Variants in POPDC1 observed in about 807,000 individuals in gnomAD.
POPDC1 encodes the protein popeye domain cAMP effector 1.
the POPDC1 span, among the ~76,000 whole-genome samples, chr6:105,114,886 A>T: frequency 6.6e-6 from 1 of 152,168 alleles, no homozygotes; most frequent in Non-Finnish European, 1.5e-5. Flanking sequence ...TCACTTTTTA[A>T]CTCACGGCAC....
chr6:105,105,239 T>A, the POPDC1 span, among the ~76,000 whole-genome samples: 1 of 152,190 alleles, frequency 6.6e-6, no homozygotes, highest in Non-Finnish European at 1.5e-5. Context: ...TCCACCTTGG[T>A]AGACACACTG....
the POPDC1 span, among the ~76,000 whole-genome samples, chr6:105,114,685 T>A: frequency 6.6e-6 from 1 of 152,276 alleles, no homozygotes; most frequent in African/African-American, 2.4e-5. Context: ...TATTTAATTC[T>A]TAATTTAGTT....
chr6:105,123,851 C>G, the POPDC1 span, among the ~76,000 whole-genome samples: 1 of 152,088 alleles, frequency 6.6e-6, no homozygotes, highest in Non-Finnish European at 1.5e-5. Flanking sequence ...AATAAATTCC[C>G]TAAGGCAAAG....
chr6:105,102,838 A>G, the POPDC1 span, among the ~76,000 whole-genome samples: 1 of 152,252 alleles, frequency 6.6e-6, no homozygotes, highest in African/African-American at 2.4e-5. Context: ...AAAAATATGC[A>G]GGGCTAGACT....
the POPDC1 span, among the ~76,000 whole-genome samples, chr6:105,109,146 C>CA: frequency 6.6e-6 from 1 of 152,006 alleles, no homozygotes; most frequent in Non-Finnish European, 1.5e-5. Context: ...TTTGTAGAGA[C>CA]AGAGTTTTGT....
the POPDC1 span, chr6:105,115,940 AC>A: frequency 5.9e-6 from 6 of 1,013,722 alleles, no homozygotes; most frequent in Non-Finnish European, 8.4e-6. Context: ...AAAAAAGAAT[AC>A]CTGATACATA....
chr6:105,121,318 T>A, the POPDC1 span, among the ~76,000 whole-genome samples: 2 of 150,724 alleles, frequency 1.3e-5, no homozygotes, highest in African/African-American at 4.9e-5. Flanking sequence ...CAGGCTGGAG[T>A]GCAGGGGTGT....
the POPDC1 span, among the ~76,000 whole-genome samples, chr6:105,111,220 T>C: frequency 3.3e-5 from 5 of 152,208 alleles, no homozygotes; most frequent in South Asian, 2.1e-4. Context: ...TTAACCCCAA[T>C]TAACTAAAAT....
the POPDC1 span, among the ~76,000 whole-genome samples, chr6:105,122,828 G>A: frequency 7.2e-5 from 11 of 152,180 alleles, no homozygotes; most frequent in African/African-American, 2.7e-4. Context: ...GTAAAGACAG[G>A]AGCCAGGACA....
the POPDC1 span, among the ~76,000 whole-genome samples, chr6:105,113,151 T>G: frequency 6.6e-6 from 1 of 151,344 alleles, no homozygotes; most frequent in East Asian, 1.9e-4. Context: ...AGGCTGGTCT[T>G]GAACTCCTGG....
the POPDC1 span, among the ~76,000 whole-genome samples, chr6:105,130,179 C>T: frequency 2.6e-5 from 4 of 152,128 alleles, no homozygotes; most frequent in Non-Finnish European, 5.9e-5. Flanking sequence ...TACAGTTTTA[C>T]CTGATGGCAA....
the POPDC1 span, among the ~76,000 whole-genome samples, chr6:105,111,504 CCTT>C: frequency 6.6e-6 from 1 of 152,202 alleles, no homozygotes; most frequent in Non-Finnish European, 1.5e-5. Flanking sequence ...ACATCTTGTC[CCTT>C]CTTCTCTTCC....
At chr6:105,113,708 C>T in the POPDC1 span, among the ~76,000 whole-genome samples, 9 of 152,200 alleles carry the variant, frequency 5.9e-5, no homozygotes, top group East Asian at 1.5e-3. Context: ...ACTATGCAGG[C>T]CAGGTGCAGT....
At chr6:105,135,195 A>G in the POPDC1 span, among the ~76,000 whole-genome samples, 4 of 152,228 alleles carry the variant, frequency 2.6e-5, no homozygotes, top group Admixed American at 6.5e-5. Flanking sequence ...TCCAAGGCCT[A>G]GCCTCTGTAG....
chr6:105,129,639 G>T, the POPDC1 span: 3 of 788,752 alleles, frequency 3.8e-6, no homozygotes, highest in East Asian at 2.7e-5. Flanking sequence ...CCCAGTGAAC[G>T]CCTGAAACCA....
the POPDC1 span, chr6:105,100,949 C>T: frequency 3.1e-6 from 3 of 983,002 alleles, no homozygotes; most frequent in African/African-American, 1.7e-5. Flanking sequence ...CATCCTTGAC[C>T]CTTCCTCACT....
the POPDC1 span, among the ~76,000 whole-genome samples, chr6:105,118,278 A>C: frequency 6.6e-6 from 1 of 152,172 alleles, no homozygotes; most frequent in African/African-American, 2.4e-5. Flanking sequence ...TTGTCTCCTT[A>C]CTTCAACAAG....
the POPDC1 span, among the ~76,000 whole-genome samples, chr6:105,101,552 T>C: frequency 1.3e-5 from 2 of 152,184 alleles, no homozygotes; most frequent in Non-Finnish European, 2.9e-5. Flanking sequence ...ATATCATACA[T>C]GGGGGCTTGA....
At chr6:105,136,686 T>G in the POPDC1 span, 5 of 152,194 alleles carry the variant, frequency 3.3e-5, no homozygotes, top group Admixed American at 3.3e-4. Context: ...CGGCGGCCGC[T>G]GACCGTTGAG....
Sources: allele counts gnomAD v4.1 joint callset (sites outside exome capture counted in the v4.1 genomes callset), GRCh38; gene constraint gnomAD v4.1.1; transcripts MANE v1.5; gene names NCBI Gene and HGNC (gene_info 2026-07-23, HGNC 2026-07-21).